The following RPS6KC1 variants were observed in gnomAD, a reference collection of about 807,000 sequenced individuals.
RPS6KC1 encodes inactive ribosomal protein S6 kinase delta-1.
Under a neutral mutation model 103.8 loss-of-function variants are expected in RPS6KC1, and 54 were observed. The observed-to-expected ratio is 0.52, with a 90% confidence interval of 0.42 to 0.65. RPS6KC1 has a LOEUF of 0.65. RPS6KC1 is among the 30% of genes least tolerant of loss of function. The probability of loss-of-function intolerance (pLI) is 0.00; values close to 1 mark genes in which losing one functional copy is unlikely to be tolerated. For synonymous variants in RPS6KC1, 439 were observed against 438.7 expected, an observed-to-expected ratio of 1.00 and a Z score of -0.01; for missense variants, 1,151 against 1,253.8, an observed-to-expected ratio of 0.92 and a Z score of 1.24.
the RPS6KC1 span, among the ~76,000 whole-genome samples, chr1:213,673,128 G>C: frequency 2.7e-4 from 41 of 152,270 alleles, no homozygotes; most frequent in Admixed American, 1.4e-3. Context: ...TAGAGCCTCT[G>C]AGCAGGGTGG....
the RPS6KC1 span, among the ~76,000 whole-genome samples, chr1:213,589,372 G>A: frequency 6.6e-6 from 1 of 152,144 alleles, no homozygotes; most frequent in South Asian, 2.1e-4. Flanking sequence ...AGAGCTGGGC[G>A]CAGTGGCCTG....
intron 8 of RPS6KC1, among the ~76,000 whole-genome samples, chr1:213,228,890 A>G (rs1371431625): frequency 6.6e-6 from 1 of 152,154 alleles, no homozygotes; most frequent in Non-Finnish European, 1.5e-5. Flanking sequence ...GGTAGAATTG[A>G]TTTGATTGAT....
the RPS6KC1 span, among the ~76,000 whole-genome samples, chr1:213,602,971 G>A: frequency 6.6e-6 from 1 of 152,192 alleles, no homozygotes; most frequent in Non-Finnish European, 1.5e-5. Flanking sequence ...GATGTGGTTT[G>A]TGGAGTCTGA....
chr1:213,265,435 G>A lies in RPS6KC1; in HGVS notation c.3090+2619G>A, dbSNP rs115997549. ...ATAATGAAGAAGAAAGAACTTACAT[G>A]TTTATGTGTTTCCTGAAATACTAAA... On this transcript the variant is annotated intron_variant, in intron 14 of 14. Transcript: ENST00000366960. Among the ~76,000 whole-genome samples, 182 of 152,274 alleles carry A rather than the reference G, an allele frequency of 1.2e-3. 1 individual carries two copies. The highest frequency in any genetic ancestry group is 4.3e-3 in the African/African-American group (177 of 41,568).
the RPS6KC1 span, among the ~76,000 whole-genome samples, chr1:213,618,757 C>G: frequency 6.6e-6 from 1 of 152,164 alleles, no homozygotes; most frequent in Non-Finnish European, 1.5e-5. Flanking sequence ...AAGGTTAAAC[C>G]TTGGCAGGGG....
At chr1:213,638,884 C>CA in the RPS6KC1 span, among the ~76,000 whole-genome samples, 1 of 151,848 alleles carries the variant, frequency 6.6e-6, no homozygotes, top group Admixed American at 6.6e-5. Context: ...CCAATTTCTG[C>CA]AAAAAAGGCA....
At chr1:213,637,018 C>T in the RPS6KC1 span, among the ~76,000 whole-genome samples, 2 of 152,178 alleles carry the variant, frequency 1.3e-5, no homozygotes, top group Non-Finnish European at 2.9e-5. Context: ...AAAGAATGCT[C>T]ATCATCACTG....
intron 7 of RPS6KC1, among the ~76,000 whole-genome samples, chr1:213,172,958 G>A (rs960492961): frequency 5.9e-5 from 9 of 152,114 alleles, no homozygotes; most frequent in African/African-American, 2.2e-4. Context: ...CTCCCGTCGC[G>A]CTTCATAGCG....
chr1:213,260,918 T>G (rs1043876092), intron 12 of RPS6KC1, among the ~76,000 whole-genome samples: 2 of 152,142 alleles, frequency 1.3e-5, no homozygotes, highest in African/African-American at 4.8e-5. Flanking sequence ...CTAAAATCCC[T>G]TATCTTAGCC....
the RPS6KC1 span, among the ~76,000 whole-genome samples, chr1:213,728,379 A>G: frequency 1.3e-5 from 2 of 152,164 alleles, no homozygotes; most frequent in Non-Finnish European, 2.9e-5. Context: ...TCTAAGTGTC[A>G]AGCGCAGCCC....
At chr1:213,582,015 G>C in the RPS6KC1 span, among the ~76,000 whole-genome samples, 1 of 150,862 alleles carries the variant, frequency 6.6e-6, no homozygotes, top group Non-Finnish European at 1.5e-5. Flanking sequence ...TTGCAACATT[G>C]TAAAATGTTG....
chr1:213,417,379 G>C, the RPS6KC1 span, among the ~76,000 whole-genome samples: 39 of 152,268 alleles, frequency 2.6e-4, 2 homozygotes, highest in Non-Finnish European at 1.9e-4. Flanking sequence ...TTCAAACCAC[G>C]CAATGCCCCG....
At chr1:213,265,671 T>C (rs983693166) in intron 14 of RPS6KC1, among the ~76,000 whole-genome samples, 1 of 152,254 alleles carries the variant, frequency 6.6e-6, no homozygotes, top group African/African-American at 2.4e-5. Context: ...AAAAATTCTT[T>C]GAGCAATTAG....
intron 12 of RPS6KC1, among the ~76,000 whole-genome samples, chr1:213,245,370 A>G (rs939994461): frequency 2.6e-5 from 4 of 152,134 alleles, no homozygotes; most frequent in Non-Finnish European, 4.4e-5. Flanking sequence ...CTTTCATGTG[A>G]TCCCCTCCCT....
In RPS6KC1 at chr1:213,112,114, G is replaced by GT. The variant is rs1302563527; in HGVS notation, c.379-5195dup. Among the ~76,000 whole-genome samples the GT allele has an allele frequency of 6.6e-5, 10 of 151,990 alleles. No homozygotes were observed. The South Asian group carries it at 1.2e-3, about 19-fold the overall frequency. ...CTGATTAGGTAAAGATAGTAATTGA[G>GT]TTTTTTTTGTGCTGAAGTAGAGAGG... is the stretch of plus-strand genomic sequence containing the variant. On this transcript the variant is annotated intron_variant, in intron 4 of 14. Coordinates refer to ENST00000366960, the MANE Select transcript of RPS6KC1 (RefSeq NM_012424.6).
At chr1:213,605,255 A>G in the RPS6KC1 span, among the ~76,000 whole-genome samples, 1 of 152,198 alleles carries the variant, frequency 6.6e-6, no homozygotes, top group South Asian at 2.1e-4. Context: ...CAACTCTTAC[A>G]AAATGGACGG....
intron 8 of RPS6KC1, among the ~76,000 whole-genome samples, chr1:213,199,106 A>G (rs1344885664): frequency 6.6e-6 from 1 of 152,210 alleles, no homozygotes; most frequent in African/African-American, 2.4e-5. Context: ...CTATTCCACA[A>G]AATTGAGGAG....
At chr1:213,289,996 A>T in the RPS6KC1 span, among the ~76,000 whole-genome samples, 7 of 151,840 alleles carry the variant, frequency 4.6e-5, no homozygotes, top group Non-Finnish European at 7.4e-5. Flanking sequence ...CCGAGATCGC[A>T]CCATTGCACT....
chr1:213,548,014 G>C, the RPS6KC1 span, among the ~76,000 whole-genome samples: 1 of 152,198 alleles, frequency 6.6e-6, no homozygotes, highest in African/African-American at 2.4e-5. Flanking sequence ...TATAGTAAGT[G>C]CCAAAAAAGT....
Sources: gnomAD v4.1 joint callset for allele counts (sites outside exome capture counted in the v4.1 genomes callset) on GRCh38, gnomAD v4.1.1 for gene constraint, MANE v1.5 for transcripts, NCBI Gene and HGNC (gene_info 2026-07-23, HGNC 2026-07-21) for gene names.